Variants in ZMYM4 observed in about 807,000 individuals in gnomAD.
ZMYM4 encodes the protein zinc finger MYM-type protein 4.
ZMYM4 carries 31 observed loss-of-function variants against 183.2 expected under a neutral mutation model. That is an observed-to-expected ratio of 0.17 (90% CI 0.13 to 0.23). The LOEUF (loss-of-function observed/expected upper bound fraction) is 0.23, where lower values mean the gene tolerates loss of function less well. ZMYM4 is among the 10% of genes least tolerant of loss of function. The pLI is 1.00. For missense variants in ZMYM4, 1,273 were observed against 1,840.3 expected, an observed-to-expected ratio of 0.69 and a Z score of 5.64; for synonymous variants, 592 against 631.2, an observed-to-expected ratio of 0.94 and a Z score of 0.93.
chr1:35,398,475 T>G lies in ZMYM4; in HGVS notation c.3253+9T>G. The G allele has an allele frequency of 6.2e-7, 1 of 1,609,824 alleles. No individual in the cohort carries two copies. Among genetic ancestry groups the G allele is most frequent in the Non-Finnish European group, 8.5e-7 (1 of 1,178,012 alleles). ...CAAGATATTTGAAAAAGGTTTGTAG[T>G]TGAAAATATGTTTTGATTTTTAGAA... On this transcript the variant is annotated intron_variant, in intron 21 of 29. Coordinates refer to ENST00000314607, the MANE Select transcript of ZMYM4 (RefSeq NM_005095.3).
Position 35,399,526 on chromosome 1 carries a change from T to A in ZMYM4, c.3478T>A (p.Ser1160Thr). The A allele has an allele frequency of 6.2e-7, 1 of 1,614,098 alleles. No individual in the cohort carries two copies. The highest frequency in any genetic ancestry group is 8.5e-7 in the Non-Finnish European group (1 of 1,180,012). Residue 1160 changes from serine to threonine, a missense_variant, in exon 23 of 30, where the codon TCC becomes ACC. Transcript: ENST00000314607. ...TAAAGGACAGGGAATCCAGGCACGTTCCCGAACAAGACGACGACACAGAGA... is the reference window on the plus strand; with the variant it reads ...TAAAGGACAGGGAATCCAGGCACGTACCCGAACAAGACGACGACACAGAGA... ...LNKGQGIQAR[S>T]RTRRRHRDGF... is the part of the protein sequence containing the mutation.
rs979045289 is a variant in ZMYM4 at position 35,380,721 on chromosome 1, G to T, written c.1182-538G>T. ...GGGATTAGGGTTGGAGTGGTAAGGAGCCTTAATCATTAGGGTTTTAATCTT... is the reference window on the plus strand; with the variant it reads ...GGGATTAGGGTTGGAGTGGTAAGGATCCTTAATCATTAGGGTTTTAATCTT... On this transcript the variant is annotated intron_variant, in intron 7 of 29. Transcript: ENST00000314607. Among the ~76,000 whole-genome samples, 6 of 152,248 alleles carry T rather than the reference G, an allele frequency of 3.9e-5. No individual in the cohort carries two copies. The East Asian group carries it at 1.2e-3, about 29-fold the overall frequency.
At chr1:35,397,073 C>T in intron 19 of ZMYM4, 1 of 1,042,624 alleles carries the variant, frequency 9.6e-7, no homozygotes, top group Non-Finnish European at 1.2e-6. Context: ...TTAAAGGAAA[C>T]AGTTATGAGA....
chr1:35,418,698 T>C (rs1336241703), intron 29 of ZMYM4, 126 bp downstream of exon 29: 2 of 1,197,216 alleles, frequency 1.7e-6, no homozygotes, highest in African/African-American at 3.1e-5. Flanking sequence ...CATGAATTTT[T>C]TCCCCATTGT....
intron 23 of ZMYM4, among the ~76,000 whole-genome samples, chr1:35,400,501 G>A (rs1017574921): frequency 3.3e-5 from 5 of 152,068 alleles, no homozygotes; most frequent in African/African-American, 4.8e-5. Flanking sequence ...CACCGCGCCC[G>A]GCCAGTTCCC....
At chr1:35,371,657 T>G (rs115669238) in intron 7 of ZMYM4, among the ~76,000 whole-genome samples, 25 of 152,302 alleles carry the variant, frequency 1.6e-4, no homozygotes, top group Non-Finnish European at 3.4e-4. Flanking sequence ...TTTATTACTT[T>G]AGGCGGTAAT....
chr1:35,330,102 C>T (rs918519758), intron 2 of ZMYM4, among the ~76,000 whole-genome samples: 1 of 151,904 alleles, frequency 6.6e-6, no homozygotes, highest in Non-Finnish European at 1.5e-5. Flanking sequence ...GTAGTCCCAG[C>T]TGCTTGGGAG....
chr1:35,335,006 G>A (rs778987466), intron 2 of ZMYM4, among the ~76,000 whole-genome samples: 8 of 152,036 alleles, frequency 5.3e-5, no homozygotes, highest in Admixed American at 3.3e-4. Flanking sequence ...TTATGAAAAC[G>A]CTTAACCACT....
chr1:35,418,494 T>C lies in ZMYM4; in HGVS notation c.4361T>C (p.Val1454Ala), dbSNP rs1640210186. Reference sequence around the variant, plus strand: ...CGAAATGAAGATGATGAGGTTCCAGTGGGGGTGGAGATGGCAGAGAATACT... The same window carrying C: ...CGAAATGAAGATGATGAGGTTCCAGCGGGGGTGGAGATGGCAGAGAATACT... Reference protein sequence around the residue: ...RKRNEDDEVPVGVEMAENTDN... With the variant: ...RKRNEDDEVPAGVEMAENTDN... Residue 1454 changes from valine to alanine, a missense_variant, in exon 29 of 30, where the codon GTG (valine) becomes GCG (alanine). This residue lies in a region of ZMYM4 where 145 missense variants were observed against 331.6 expected (regional missense o/e 0.44). Transcript: ENST00000314607. 6.2e-7 allele frequency: 1 copy of C among 1,614,074 alleles called. No homozygotes were observed.
intron 2 of ZMYM4, among the ~76,000 whole-genome samples, chr1:35,328,421 T>C (rs533559959): frequency 6.6e-6 from 1 of 151,632 alleles, no homozygotes; most frequent in Non-Finnish European, 1.5e-5. Context: ...GCTGGGACTA[T>C]AGATGTGATC....
chr1:35,415,506 G>A lies in ZMYM4; in HGVS notation c.4101G>A (p.Glu1367=), dbSNP rs1203929870. Residue 1367 remains glutamate (E), a synonymous_variant, in exon 28 of 30, where the codon GAG becomes GAA. Coordinates refer to ENST00000314607, the MANE Select transcript of ZMYM4 (RefSeq NM_005095.3). ...GCATTGAGGAAGAGCATTTGTGGGA[G>A]TGCAAACAGCTGGGCGCTTACTCAC... is the stretch of plus-strand genomic sequence containing the variant. ...FSRIEEEHLW[E]CKQLGAYSPI... is the part of the protein sequence containing the mutation. 1.2e-6 allele frequency: 2 copies of A among 1,614,214 alleles called. No homozygotes were observed. The highest frequency in any genetic ancestry group is 1.1e-5 in the South Asian group (1 of 91,080).
intron 23 of ZMYM4, 44 bp from the exon 24 acceptor site, chr1:35,404,979 C>CA: frequency 6.5e-7 from 1 of 1,534,008 alleles, no homozygotes; most frequent in Non-Finnish European, 8.8e-7. Flanking sequence ...CTTAAAAATC[C>CA]AAAACTAAAT....
chr1:35,370,727 C>CTTTTTTTTTTTTT (rs3066096), intron 7 of ZMYM4, 100 bp downstream of exon 7: 3 of 263,526 alleles, frequency 1.1e-5, no homozygotes, highest in South Asian at 1.8e-4. Context: ...ACATTTATTC[C>CTTTTTTTTTTTTT]TTTTTTTTTT....
intron 2 of ZMYM4, among the ~76,000 whole-genome samples, chr1:35,348,312 A>C (rs901047727): frequency 6.6e-6 from 1 of 152,250 alleles, no homozygotes; most frequent in Non-Finnish European, 1.5e-5. Context: ...AACTTTAAAA[A>C]AATTTTTGAA....
intron 26 of ZMYM4, among the ~76,000 whole-genome samples, chr1:35,410,976 C>T (rs1024246682): frequency 5.3e-5 from 8 of 151,626 alleles, no homozygotes; most frequent in Admixed American, 1.3e-4. Context: ...ATATTTAGGT[C>T]GTTCATTTAT....
chr1:35,366,829 C>T (rs749656503), intron 5 of ZMYM4, among the ~76,000 whole-genome samples: 22 of 152,084 alleles, frequency 1.4e-4, no homozygotes, highest in Non-Finnish European at 3.2e-4. Flanking sequence ...GCCTGGCCAA[C>T]ATGGTGAAAC....
intron 1 of ZMYM4, among the ~76,000 whole-genome samples, chr1:35,272,159 C>A (rs1639641748): frequency 6.6e-6 from 1 of 152,092 alleles, no homozygotes; most frequent in Non-Finnish European, 1.5e-5. Context: ...TATGCAGTAC[C>A]ATGTCTTTGG....
intron 2 of ZMYM4, among the ~76,000 whole-genome samples, chr1:35,328,770 A>T (rs919544746): frequency 7.2e-5 from 11 of 152,182 alleles, no homozygotes; most frequent in Middle Eastern, 6.8e-3. Flanking sequence ...AGGAACATAG[A>T]CCCCTATCCA....
Position 35,375,601 on chromosome 1 carries a change from A to AAT in ZMYM4, c.1181+4978_1181+4979dup, listed in dbSNP as rs745859889. Among the ~76,000 whole-genome samples the AAT allele has an allele frequency of 1.2e-4, 18 of 152,230 alleles. No homozygotes were observed. The East Asian group carries it at 3.3e-3, about 28-fold the overall frequency. ...ACTGCTACTGTTGTATACCAGTAGA[A>AAT]ATATAACAGCAGCACTTAGGTTAGA... On this transcript the variant is annotated intron_variant, in intron 7 of 29. Coordinates refer to ENST00000314607, the MANE Select transcript of ZMYM4 (RefSeq NM_005095.3).
Sources: gnomAD v4.1 joint callset for allele counts (sites outside exome capture counted in the v4.1 genomes callset) on GRCh38, gnomAD v4.1.1 for gene constraint, gnomAD v4.1.1 regional missense constraint, MANE v1.5 for transcripts, NCBI Gene and HGNC (gene_info 2026-07-23, HGNC 2026-07-21) for gene names.